Variants in SZRD1 observed in about 807,000 individuals in gnomAD.
The protein encoded by SZRD1 is SUZ RNA binding domain containing 1.
SZRD1 carries 7 observed loss-of-function variants against 17.6 expected under a neutral mutation model. The observed-to-expected ratio is 0.40, with a 90% CI of 0.23 to 0.75. The LOEUF (loss-of-function observed/expected upper bound fraction) is 0.75. SZRD1 is among the 30% of genes least tolerant of loss of function. SZRD1 has a pLI of 0.38. For missense variants in SZRD1, 178 were observed against 201.8 expected (o/e 0.88, Z 0.71); for synonymous variants, 77 against 77.9 (o/e 0.99, Z 0.06).
chr1:16,386,911 G>A (rs2085134863), intron 1 of SZRD1: 1 of 177,202 alleles, frequency 5.6e-6, no homozygotes, highest in African/African-American at 2.4e-5. Flanking sequence ...TTGAGCAATT[G>A]TCGGGGGAGG....
chr1:16,369,210 A>G, intron 1 of SZRD1: 1 of 500,320 alleles, frequency 2.0e-6, no homozygotes, highest in Non-Finnish European at 3.6e-6. Context: ...ATTTGTAGCT[A>G]TCTTTGCTGT....
intron 1 of SZRD1, among the ~76,000 whole-genome samples, chr1:16,380,572 G>A (rs187120759): frequency 2.0e-5 from 3 of 152,144 alleles, no homozygotes; most frequent in Admixed American, 2.0e-4. Flanking sequence ...GGGTTCAAGC[G>A]ATTCTCCCAC....
At chr1:16,388,280 A>G (rs912354154) in intron 1 of SZRD1, among the ~76,000 whole-genome samples, 4 of 152,122 alleles carry the variant, frequency 2.6e-5, no homozygotes, top group Non-Finnish European at 5.9e-5. Flanking sequence ...TTGTATTTTT[A>G]GTAGAGACGG....
intron 1 of SZRD1, among the ~76,000 whole-genome samples, chr1:16,378,064 T>A (rs1276345816): frequency 6.6e-6 from 1 of 152,154 alleles, no homozygotes; most frequent in East Asian, 1.9e-4. Flanking sequence ...CCCCATTTTA[T>A]TTCCAGGGCA....
rs2085224936 is a variant in SZRD1, at chr1:16,391,730, G to T, written c.101+306G>T. ...CCTGGCAGTGCCCCAGTTGCTCTGA[G>T]GTCTGGGGCAAGTCATTTCCCAGAT... On this transcript the variant is annotated intron_variant, in intron 2 of 3. Transcript: ENST00000401088. The surrounding 1 kb of genome is among the most constrained non-coding windows in gnomAD (Gnocchi z 4.3). Among the ~76,000 whole-genome samples the T allele has an allele frequency of 6.6e-6, 1 of 152,054 alleles. No homozygotes were observed. Among genetic ancestry groups the T allele is most frequent in the South Asian group, 2.1e-4 (1 of 4,818 alleles).
At chr1:16,379,760 GTTT>G (rs35016930) in intron 1 of SZRD1, among the ~76,000 whole-genome samples, 3 of 130,984 alleles carry the variant, frequency 2.3e-5, no homozygotes, top group African/African-American at 2.8e-5. Context: ...TTGATTTGGG[GTTT>G]TTTTTTTTTT....
At chr1:16,385,636 T>C (rs1204150616) in intron 1 of SZRD1, among the ~76,000 whole-genome samples, 7 of 152,184 alleles carry the variant, frequency 4.6e-5, no homozygotes, top group Non-Finnish European at 1.5e-5. Context: ...TTGTCACCTT[T>C]GTTCCTTTTG....
At chr1:16,390,649 T>G (rs2085206912) in intron 1 of SZRD1, 1 of 152,202 alleles carries the variant, frequency 6.6e-6, no homozygotes, top group Non-Finnish European at 1.5e-5. Context: ...CACAGAGAGT[T>G]CAAGTCCGTA....
At chr1:16,386,935 A>T (rs1485571727) in intron 1 of SZRD1, 1 of 199,108 alleles carries the variant, frequency 5.0e-6, no homozygotes, top group Non-Finnish European at 1.0e-5. Context: ...GTATGTCAGC[A>T]TAGGGGCCTC....
chr1:16,379,002 C>T (rs1272081749), intron 1 of SZRD1, among the ~76,000 whole-genome samples: 1 of 152,112 alleles, frequency 6.6e-6, no homozygotes, highest in African/African-American at 2.4e-5. Flanking sequence ...GCTGGGGTTA[C>T]AGGTGTGAGC....
chr1:16,375,478 C>T (rs1449306390), intron 1 of SZRD1, among the ~76,000 whole-genome samples: 1 of 152,048 alleles, frequency 6.6e-6, no homozygotes, highest in Non-Finnish European at 1.5e-5. Context: ...CCATGCCCGA[C>T]TCATGTTTTG....
intron 3 of SZRD1, among the ~76,000 whole-genome samples, chr1:16,394,687 G>A (rs927823715): frequency 1.3e-5 from 2 of 150,052 alleles, no homozygotes; most frequent in African/African-American, 4.9e-5. Context: ...GGACATCTAG[G>A]CCAGGTGCAG....
intron 1 of SZRD1, chr1:16,369,183 A>G (rs2082869854): frequency 2.1e-6 from 1 of 476,816 alleles, no homozygotes; most frequent in Non-Finnish European, 3.8e-6. Flanking sequence ...TGTCCTGGTT[A>G]ATCTGGAAGT....
At chr1:16,374,613 A>C (rs1230497320) in intron 1 of SZRD1, among the ~76,000 whole-genome samples, 6 of 152,292 alleles carry the variant, frequency 3.9e-5, no homozygotes, top group Admixed American at 1.3e-4. Flanking sequence ...ACAGTTGTCT[A>C]GGTCTGATGA....
chr1:16,394,813 G>A (rs1159865720), intron 3 of SZRD1, among the ~76,000 whole-genome samples: 1 of 152,098 alleles, frequency 6.6e-6, no homozygotes, highest in Non-Finnish European at 1.5e-5. Flanking sequence ...AAATTAGCTG[G>A]GTGTGGTAGC....
intron 1 of SZRD1, among the ~76,000 whole-genome samples, chr1:16,374,795 C>T (rs917190446): frequency 6.6e-6 from 1 of 152,168 alleles, no homozygotes; most frequent in African/African-American, 2.4e-5. Context: ...AGTTTAGCTA[C>T]TTAAATCTGT....
At chr1:16,374,916 C>A (rs1007450911) in intron 1 of SZRD1, among the ~76,000 whole-genome samples, 3 of 152,112 alleles carry the variant, frequency 2.0e-5, no homozygotes, top group African/African-American at 4.8e-5. Context: ...CTAGCTCTGT[C>A]GCCGAGGCTG....
In SZRD1 at chr1:16,396,647, A is replaced by T. The variant is rs1290845511; in HGVS notation, c.*1507A>T. On this transcript the variant is annotated 3_prime_UTR_variant, in exon 4 of 4. Coordinates refer to ENST00000401088, the MANE Select transcript of SZRD1 (RefSeq NM_001114600.3). ...CAGCCTCCCTGCTCCTGACCAGCAG[A>T]TACGTTTCGGAGTGGTTGGTGTGGT... 6.6e-6 allele frequency: 1 copy of T among 152,586 alleles called. No individual in the cohort carries two copies. Among genetic ancestry groups the T allele is most frequent in the Non-Finnish European group, 1.5e-5 (1 of 68,356 alleles). 9.5% of individuals were successfully genotyped at this position (152,586 alleles called of 1,614,324 possible). A position where few individuals can be genotyped will look rare whatever the true frequency, so the allele number is the denominator to read the frequency against.
At chr1:16,373,835 A>AT (rs2082952732) in intron 1 of SZRD1, among the ~76,000 whole-genome samples, 1 of 151,994 alleles carries the variant, frequency 6.6e-6, no homozygotes, top group African/African-American at 2.4e-5. Flanking sequence ...ATGCCTGAAC[A>AT]TAAGTGATCC....
Sources: gnomAD v4.1 joint callset for allele counts (sites outside exome capture counted in the v4.1 genomes callset) on GRCh38, gnomAD v4.1.1 for gene constraint, Gnocchi (gnomAD v3.1) non-coding constraint, MANE v1.5 for transcripts, NCBI Gene and HGNC (gene_info 2026-07-23, HGNC 2026-07-21) for gene names.